The following AFF3 variants were observed in gnomAD, a reference collection of about 807,000 sequenced individuals.
AFF3 encodes ALF transcription elongation factor 3.
Under a neutral mutation model 129.7 loss-of-function variants are expected in AFF3, and 32 were observed. The observed-to-expected ratio is 0.25, with a 90% CI of 0.19 to 0.33. The LOEUF (loss-of-function observed/expected upper bound fraction) is 0.33. AFF3 is among the 10% of genes least tolerant of loss of function. The pLI is 1.00. For missense variants in AFF3, 1,373 were observed against 1,592.0 expected, an observed-to-expected ratio of 0.86 and a Z score of 2.34; for synonymous variants, 644 against 635.4, an observed-to-expected ratio of 1.01 and a Z score of -0.20.
intron 18 of AFF3, among the ~76,000 whole-genome samples, 186 bp downstream of exon 18, chr2:99,578,141 C>T (rs1438502650): frequency 6.6e-6 from 1 of 152,172 alleles, no homozygotes; most frequent in African/African-American, 2.4e-5. Flanking sequence ...CACCAGGACT[C>T]AGGCGTGCAC....
intron 7 of AFF3, among the ~76,000 whole-genome samples, chr2:99,878,448 A>G (rs920022778): frequency 6.6e-6 from 1 of 152,148 alleles, no homozygotes; most frequent in African/African-American, 2.4e-5. Context: ...ATTTTTAAAC[A>G]CCCAGAGCCT....
At chr2:99,679,225 A>G (rs568927727) in intron 11 of AFF3, among the ~76,000 whole-genome samples, 19 of 152,256 alleles carry the variant, frequency 1.2e-4, no homozygotes, top group African/African-American at 3.6e-4. Flanking sequence ...TTGCTCACAC[A>G]TATCTCCTTC....
intron 4 of AFF3, among the ~76,000 whole-genome samples, chr2:100,081,709 A>G (rs1287358571): frequency 6.6e-6 from 1 of 152,186 alleles, no homozygotes; most frequent in African/African-American, 2.4e-5. Flanking sequence ...ATTGGGGGAA[A>G]ACTCTTCTGA....
At chr2:99,603,583 C>T (rs1041963356) in intron 13 of AFF3, among the ~76,000 whole-genome samples, 2 of 152,110 alleles carry the variant, frequency 1.3e-5, no homozygotes, top group Admixed American at 6.5e-5. Context: ...AAAGATTTCA[C>T]GACAAAGACG....
chr2:99,943,165 C>A (rs1031600308), intron 7 of AFF3, among the ~76,000 whole-genome samples: 1 of 152,152 alleles, frequency 6.6e-6, no homozygotes, highest in African/African-American at 2.4e-5. Context: ...ATAGTCCACA[C>A]CAGTGTAGAA....
Position 99,789,233 on chromosome 2 carries a change from G to A in AFF3, c.922-36932C>T, listed in dbSNP as rs112920474. Among the ~76,000 whole-genome samples the A allele has an allele frequency of 1.2e-4, 19 of 152,060 alleles. No individual in the cohort carries two copies. In the East Asian group the frequency reaches 2.7e-3, roughly 22 times the overall value. ...GAGGACTGCTTGAGGCCAGGAGCTC[G>A]AGACCATCCTGGGCAACACAGTGAG... On this transcript the variant is annotated intron_variant, in intron 8 of 24. Transcript: ENST00000672756.
intron 4 of AFF3, among the ~76,000 whole-genome samples, chr2:100,053,681 A>G (rs1380288709): frequency 6.6e-6 from 1 of 152,202 alleles, no homozygotes; most frequent in East Asian, 1.9e-4. Context: ...AGAGGAGGCC[A>G]TATGCAGACA....
intron 13 of AFF3, among the ~76,000 whole-genome samples, chr2:99,632,061 G>T (rs1290071500): frequency 7.3e-6 from 1 of 137,182 alleles, no homozygotes; most frequent in African/African-American, 2.8e-5. Context: ...TGTCACCCAG[G>T]CTGGAGTGCA....
At chr2:99,862,030 C>T (rs1351045471) in intron 7 of AFF3, among the ~76,000 whole-genome samples, 1 of 152,112 alleles carries the variant, frequency 6.6e-6, no homozygotes, top group Non-Finnish European at 1.5e-5. Context: ...ATGTTTTAGT[C>T]TCCACATTGG....
At chr2:99,839,638 G>C (rs1273230791) in intron 7 of AFF3, among the ~76,000 whole-genome samples, 2 of 146,894 alleles carry the variant, frequency 1.4e-5, no homozygotes, top group Non-Finnish European at 3.0e-5. Context: ...TTGAGACGGA[G>C]CCTCGCTCTG....
intron 13 of AFF3, among the ~76,000 whole-genome samples, chr2:99,622,695 C>T (rs952667404): frequency 6.6e-6 from 1 of 152,234 alleles, no homozygotes; most frequent in African/African-American, 2.4e-5. Context: ...TCAGCCCAGC[C>T]TGATTGGATG....
chr2:99,926,854 T>TA lies in AFF3; in HGVS notation c.873+79777dup, dbSNP rs1258859458. On this transcript the variant is annotated intron_variant, in intron 7 of 24. Transcript: ENST00000672756. ...CACTTATGTTAACAGATTAAAAATT[T>TA]AAAAAAAAAACATAATTTTTTTAAG... Among the ~76,000 whole-genome samples the TA allele has an allele frequency of 4.3e-3, 649 of 149,896 alleles. 8 individuals are homozygous for TA. The highest frequency in any genetic ancestry group is 0.013 in the African/African-American group (525 of 40,882).
At chr2:99,959,475 TTAGCAC>T (rs1677012285) in intron 7 of AFF3, among the ~76,000 whole-genome samples, 1 of 151,244 alleles carries the variant, frequency 6.6e-6, no homozygotes, top group Non-Finnish European at 1.5e-5. Flanking sequence ...AAAAGGAAGA[TTAGCAC>T]ATCTAACACA....
intron 4 of AFF3, among the ~76,000 whole-genome samples, chr2:100,036,135 A>T (rs1186242941): frequency 6.7e-4 from 12 of 17,946 alleles, no homozygotes; most frequent in South Asian, 6.1e-3. Flanking sequence ...ATACAGTGCT[A>T]AAAAAAAAAA....
At position 99,569,953 on chromosome 2, in the gene AFF3, G is replaced by A. The variant is rs140424665; in HGVS notation, c.2919-1038C>T. Among the ~76,000 whole-genome samples the A allele has an allele frequency of 3.5e-3, 529 of 152,276 alleles. 4 individuals are homozygous for A. Among genetic ancestry groups the A allele is most frequent in the African/African-American group, 0.012 (485 of 41,560 alleles). On this transcript the variant is annotated intron_variant, in intron 18 of 24. Transcript: ENST00000672756. ...AATATTAGGTAGTCAGAACATTCAT[G>A]TATCCAAAGAGGTCAAAACGCTTAG... is the stretch of plus-strand genomic sequence containing the variant.
chr2:100,039,567 CA>C (rs1685255228), intron 4 of AFF3, among the ~76,000 whole-genome samples: 1 of 151,814 alleles, frequency 6.6e-6, no homozygotes, highest in Admixed American at 6.6e-5. Context: ...TAAAAAAAAA[CA>C]AAAAGGCCCT....
At chr2:100,109,554 G>A (rs1691441991) in intron 2 of AFF3, among the ~76,000 whole-genome samples, 1 of 151,936 alleles carries the variant, frequency 6.6e-6, no homozygotes, top group Non-Finnish European at 1.5e-5. Flanking sequence ...CAATCATCCT[G>A]ACTTAAATCT....
chr2:99,959,628 T>C (rs1443527757), intron 7 of AFF3, among the ~76,000 whole-genome samples: 4 of 150,724 alleles, frequency 2.7e-5, no homozygotes, highest in Non-Finnish European at 4.4e-5. Context: ...GTCCAGCACA[T>C]TGCAAGCGCT....
intron 13 of AFF3, among the ~76,000 whole-genome samples, chr2:99,646,337 C>A (rs552107999): frequency 7.9e-5 from 12 of 152,250 alleles, no homozygotes; most frequent in Admixed American, 2.6e-4. Flanking sequence ...CCATGAGGAA[C>A]CAGTGTGCAT....
Sources: gnomAD v4.1 joint callset for allele counts (sites outside exome capture counted in the v4.1 genomes callset) on GRCh38, gnomAD v4.1.1 for gene constraint, MANE v1.5 for transcripts, NCBI Gene and HGNC (gene_info 2026-07-23, HGNC 2026-07-21) for gene names.